The following DMD variants were observed in gnomAD, a reference collection of about 807,000 sequenced individuals.
DMD encodes the protein mutant dystrophin.
In DMD, 63 loss-of-function variants were observed where a neutral mutation model predicts 330.1. That is an observed-to-expected ratio of 0.19 (90% CI 0.16 to 0.24). DMD has a LOEUF of 0.24. Ranked by LOEUF, DMD falls within the 10% of genes least tolerant of loss-of-function variation. The pLI is 1.00. For missense variants in DMD, 3,344 were observed against 2,684.1 expected (o/e 1.25, Z -5.43); for synonymous variants, 1,223 against 959.8 (o/e 1.27, Z -5.07).
intron 63 of DMD, among the ~76,000 whole-genome samples, chrX:31,259,865 G>A (rs2050340150): frequency 9.0e-6 from 1 of 110,696 alleles, no homozygotes; most frequent in East Asian, 2.8e-4. Context: ...TACCTACACA[G>A]AATTTATGTT....
intron 59 of DMD, among the ~76,000 whole-genome samples, chrX:31,475,301 T>C (rs2149240336): frequency 8.9e-6 from 1 of 112,136 alleles, no homozygotes; most frequent in East Asian, 2.8e-4. Flanking sequence ...CAAGAACAGA[T>C]AAGACAGGGA....
intron 55 of DMD, among the ~76,000 whole-genome samples, chrX:31,615,430 C>A (rs1410518240): frequency 9.0e-6 from 1 of 111,724 alleles, no homozygotes; most frequent in African/African-American, 3.3e-5. Context: ...GAAAAAGAAA[C>A]TCCTTTTACC....
intron 17 of DMD, among the ~76,000 whole-genome samples, chrX:32,532,350 A>G (rs749506386): frequency 7.1e-5 from 8 of 111,974 alleles, no homozygotes; most frequent in Non-Finnish European, 1.5e-4. Flanking sequence ...CAAATTCTTA[A>G]GGAGTCCCAG....
At chrX:32,319,040 G>A (rs1022899604) in intron 41 of DMD, among the ~76,000 whole-genome samples, 4 of 111,556 alleles carry the variant, frequency 3.6e-5, no homozygotes, top group African/African-American at 9.8e-5. Context: ...CTGATAAACT[G>A]AATCTGGAAA....
chrX:31,852,264 A>G, intron 48 of DMD, among the ~76,000 whole-genome samples: 1 of 112,057 alleles, frequency 8.9e-6, no homozygotes, highest in Admixed American at 9.5e-5. Flanking sequence ...GGCAGTTAAG[A>G]ACAGATTCTT....
intron 47 of DMD, among the ~76,000 whole-genome samples, chrX:31,881,775 T>C (rs1452841820): frequency 8.9e-6 from 1 of 112,082 alleles, no homozygotes; most frequent in Non-Finnish European, 1.9e-5. Flanking sequence ...CTATACCATC[T>C]ATCTTTGTGT....
chrX:32,089,006 C>A (rs748155670), intron 44 of DMD, among the ~76,000 whole-genome samples: 1 of 111,602 alleles, frequency 9.0e-6, no homozygotes, highest in South Asian at 3.7e-4. Context: ...TTCTGGAGAT[C>A]CATTCAATAC....
At chrX:32,619,789 G>C (rs1002386817) in intron 11 of DMD, among the ~76,000 whole-genome samples, 1 of 111,331 alleles carries the variant, frequency 9.0e-6, no homozygotes, top group Admixed American at 9.6e-5. Flanking sequence ...GATAGTGAAG[G>C]AGCCAGGACC....
chrX:33,042,186 T>G (rs1036091170), intron 1 of DMD, among the ~76,000 whole-genome samples: 1 of 111,904 alleles, frequency 8.9e-6, no homozygotes, highest in African/African-American at 3.2e-5. Flanking sequence ...GACTAAACAC[T>G]GAGCCATGAG....
At chrX:31,721,696 CTCTCTCTCTCTCTCTCTCTCTCTATA>C (rs1321180178) in intron 52 of DMD, among the ~76,000 whole-genome samples, 26 of 65,965 alleles carry the variant, frequency 3.9e-4, no homozygotes, top group Admixed American at 2.2e-3. Context: ...CTCTCTCTCT[CTCTCTCTCTCTCTCTCTCTCTCTATA>C]TATATATATA....
At chrX:33,209,570 C>T (rs2051774362) in intron 1 of DMD, among the ~76,000 whole-genome samples, 1 of 111,476 alleles carries the variant, frequency 9.0e-6, no homozygotes, top group Admixed American at 9.6e-5. Flanking sequence ...CAAACTACGG[C>T]AAATTTACAA....
chrX:31,756,517 T>C (rs2089112036), intron 51 of DMD, among the ~76,000 whole-genome samples: 1 of 112,943 alleles, frequency 8.9e-6, no homozygotes, highest in Admixed American at 9.3e-5. Context: ...TATGGTTTGT[T>C]GCCAATAAAC....
At chrX:31,196,063 C>G (rs750450674) in intron 67 of DMD, among the ~76,000 whole-genome samples, 1 of 110,967 alleles carries the variant, frequency 9.0e-6, no homozygotes, top group African/African-American at 3.2e-5. Flanking sequence ...GTTAATCAAA[C>G]AAACCACTTA....
intron 1 of DMD, among the ~76,000 whole-genome samples, chrX:33,302,900 G>A (rs1356375537): frequency 3.6e-5 from 4 of 111,573 alleles, no homozygotes; most frequent in African/African-American, 1.3e-4. Flanking sequence ...GAATTTCCCT[G>A]TCCTAAAATT....
intron 1 of DMD, among the ~76,000 whole-genome samples, chrX:33,147,006 T>C (rs2048066921): frequency 9.1e-6 from 1 of 109,914 alleles, no homozygotes; most frequent in Non-Finnish European, 1.9e-5. Context: ...TATTTTTTAG[T>C]AGAGACGGGG....
At chrX:33,070,577 G>A (rs1482992630) in intron 1 of DMD, among the ~76,000 whole-genome samples, 2 of 101,215 alleles carry the variant, frequency 2.0e-5, no homozygotes, top group African/African-American at 7.2e-5. Flanking sequence ...TTTTATTTTT[G>A]TATAATTAAA....
At chrX:31,718,244 A>G (rs1340554790) in intron 52 of DMD, among the ~76,000 whole-genome samples, 1 of 111,857 alleles carries the variant, frequency 8.9e-6, no homozygotes, top group African/African-American at 3.3e-5. Flanking sequence ...CAACACTGTC[A>G]GGAAAGACAA....
intron 50 of DMD, among the ~76,000 whole-genome samples, chrX:31,774,980 A>G (rs1447503335): frequency 9.0e-6 from 1 of 111,634 alleles, no homozygotes; most frequent in African/African-American, 3.3e-5. Context: ...TGTCTGGTAG[A>G]CAATCCTGTT....
chrX:33,310,969 T>C (rs988974030), intron 1 of DMD, among the ~76,000 whole-genome samples: 5 of 110,746 alleles, frequency 4.5e-5, no homozygotes, highest in Non-Finnish European at 9.5e-5. Flanking sequence ...AAAACAAGAA[T>C]GAATCGAGAG....
Sources: gnomAD v4.1 joint callset for allele counts (sites outside exome capture counted in the v4.1 genomes callset) on GRCh38, gnomAD v4.1.1 for gene constraint, MANE v1.5 for transcripts, NCBI Gene and HGNC (gene_info 2026-07-23, HGNC 2026-07-21) for gene names.